XRCC6: variants seen among roughly 807,000 people sequenced by gnomAD.
XRCC6 encodes the protein X-ray repair cross complementing 6.
In XRCC6, 5 loss-of-function variants were observed where a neutral mutation model predicts 65.7. The ratio of observed to expected loss-of-function variants is 0.08; its 90% CI spans 0.04 to 0.16. The LOEUF (loss-of-function observed/expected upper bound fraction) is 0.16. Among genes scored for constraint, XRCC6 ranks in the 10% least tolerant of loss-of-function variants. XRCC6 has a pLI of 1.00. For missense variants in XRCC6, 447 were observed against 738.1 expected, an observed-to-expected ratio of 0.61 and a Z score of 4.57; for synonymous variants, 270 against 270.6, an observed-to-expected ratio of 1.00 and a Z score of 0.02.
chr22:41,643,777 C>T (rs1384549255), intron 6 of XRCC6, among the ~76,000 whole-genome samples: 4 of 150,868 alleles, frequency 2.7e-5, no homozygotes, highest in Non-Finnish European at 1.5e-5. Context: ...GCTGAGATTG[C>T]GCCACTGCAC....
chr22:41,646,874 C>T (rs756653687), intron 6 of XRCC6, 22 bp from the exon 7 acceptor site: 1 of 1,569,114 alleles, frequency 6.4e-7, no homozygotes, highest in South Asian at 1.2e-5. Context: ...AGTTCATGCT[C>T]TTTCATTTTT....
intron 12 of XRCC6, among the ~76,000 whole-genome samples, chr22:41,662,000 T>G (rs1180949112): frequency 1.3e-5 from 2 of 152,172 alleles, no homozygotes; most frequent in Non-Finnish European, 2.9e-5. Context: ...TCTCACTTAT[T>G]TGTGGAATCT....
chr22:41,631,901 G>A (rs1449204530), intron 3 of XRCC6, among the ~76,000 whole-genome samples: 5 of 152,300 alleles, frequency 3.3e-5, no homozygotes, highest in South Asian at 4.1e-4. Context: ...CGAGGCTGGC[G>A]GATCACTCGC....
intron 6 of XRCC6, among the ~76,000 whole-genome samples, chr22:41,639,817 C>T (rs986515468): frequency 8.6e-5 from 13 of 151,324 alleles, no homozygotes; most frequent in Non-Finnish European, 1.5e-4. Context: ...CGCCTGCCAC[C>T]ACACCCGGCT....
Position 41,650,864 on chromosome 22 carries a change from G to T in XRCC6, c.1102G>T (p.Val368Leu). The part of the protein sequence containing the change: ...KHHYLRPSLF[V>L]YPEESLVIGS... ...CCATTACCTGAGGCCCTCCCTGTTC[G>T]TGTACCCAGAGGAGTCGCTGGTGAT... is the stretch of plus-strand genomic sequence containing the variant. Residue 368 changes from valine (V) to leucine (L), a missense_variant, in exon 8 of 13, where the codon GTG becomes TTG. Val to Leu is a conservative substitution (Grantham distance 32). Transcript: ENST00000360079. 6.2e-7 allele frequency: 1 copy of T among 1,614,146 alleles called. No homozygotes were observed. Among genetic ancestry groups the T allele is most frequent in the Non-Finnish European group, 8.5e-7 (1 of 1,180,018 alleles).
intron 3 of XRCC6, among the ~76,000 whole-genome samples, chr22:41,629,682 A>G (rs1357606096): frequency 6.6e-6 from 1 of 151,954 alleles, no homozygotes; most frequent in Non-Finnish European, 1.5e-5. Context: ...TTTTATTATT[A>G]TTTTTGAGAC....
intron 3 of XRCC6, among the ~76,000 whole-genome samples, chr22:41,633,331 A>G (rs1569083631): frequency 1.3e-5 from 2 of 152,098 alleles, no homozygotes; most frequent in Admixed American, 6.5e-5. Flanking sequence ...GGTGATGCTG[A>G]TGTTACTGAT....
Position 41,653,777 on chromosome 22 carries a change from CAT to C in XRCC6, c.1291+89_1291+90del, listed in dbSNP as rs2068021966. ...GACTCCTAATGCAGACCTACTGAATCATAGTCTCTGGGAATGGGGCTTAAAAA... is the reference window on the plus strand; with the variant it reads ...GACTCCTAATGCAGACCTACTGAATCAGTCTCTGGGAATGGGGCTTAAAAA... On this transcript the variant is annotated intron_variant, in intron 9 of 12. Coordinates refer to ENST00000360079, the MANE Select transcript of XRCC6 (RefSeq NM_001469.5). The C allele has an allele frequency of 6.8e-6, 10 of 1,467,830 alleles. No individual in the cohort carries two copies. The Middle Eastern group carries it at 9.0e-4, about 133-fold the overall frequency. 90.9% of individuals were successfully genotyped at this position (1,467,830 alleles called of 1,614,324 possible).
intron 2 of XRCC6, among the ~76,000 whole-genome samples, chr22:41,625,625 T>G (rs998847688): frequency 7.9e-5 from 12 of 152,110 alleles, no homozygotes; most frequent in Non-Finnish European, 1.8e-4. Context: ...CCTCTCTAGG[T>G]CCTTAGTAGG....
intron 3 of XRCC6, among the ~76,000 whole-genome samples, chr22:41,631,371 C>T (rs192077873): frequency 0.051 from 7,644 of 149,758 alleles, 269 homozygotes; most frequent in Non-Finnish European, 0.077. Context: ...ACTTCTCAGA[C>T]GGGGCGGCTC....
At chr22:41,659,386 ATTT>A (rs1443316672) in intron 11 of XRCC6, among the ~76,000 whole-genome samples, 2 of 151,940 alleles carry the variant, frequency 1.3e-5, no homozygotes, top group Non-Finnish European at 2.9e-5. Context: ...ATTTTTTTGT[ATTT>A]TTAGTAGAGA....
intron 3 of XRCC6, among the ~76,000 whole-genome samples, chr22:41,635,577 G>A (rs2067800506): frequency 6.6e-6 from 1 of 152,162 alleles, no homozygotes; most frequent in African/African-American, 2.4e-5. Flanking sequence ...GTCTCACTCT[G>A]TTGCCCAGGC....
chr22:41,633,812 G>A (rs1013431851), intron 3 of XRCC6, among the ~76,000 whole-genome samples: 11 of 152,314 alleles, frequency 7.2e-5, no homozygotes, highest in Non-Finnish European at 1.6e-4. Context: ...AGAAGAAAAT[G>A]TAGTGTTAGG....
At chr22:41,649,705 A>T (rs1187473714) in intron 7 of XRCC6, among the ~76,000 whole-genome samples, 1 of 151,960 alleles carries the variant, frequency 6.6e-6, no homozygotes, top group Non-Finnish European at 1.5e-5. Context: ...ATACAAAAAA[A>T]TTAGCCAGGT....
chr22:41,646,779 G>T, intron 6 of XRCC6, 117 bp from the exon 7 acceptor site: 1 of 865,352 alleles, frequency 1.2e-6, no homozygotes, highest in South Asian at 2.0e-5. Flanking sequence ...TATATTTTGA[G>T]AGCTTGCTTA....
chr22:41,651,063 TG>T (rs2067989791), intron 8 of XRCC6, among the ~76,000 whole-genome samples, 172 bp downstream of exon 8: 1 of 152,150 alleles, frequency 6.6e-6, no homozygotes, highest in African/African-American at 2.4e-5. Context: ...CCTAGCACTT[TG>T]GGAGGCTGAG....
intron 5 of XRCC6, 91 bp from the exon 6 acceptor site, chr22:41,637,517 T>G: frequency 8.0e-7 from 1 of 1,246,172 alleles, no homozygotes; most frequent in Non-Finnish European, 1.1e-6. Flanking sequence ...TCAGGGAGCT[T>G]TTAAAAGCAT....
intron 2 of XRCC6, among the ~76,000 whole-genome samples, chr22:41,624,105 C>G (rs539276697): frequency 6.6e-6 from 1 of 151,906 alleles, no homozygotes; most frequent in African/African-American, 2.4e-5. Context: ...TGTAATTTGT[C>G]TGGGTGTGGT....
At chr22:41,622,364 G>A (rs1410614430) in intron 2 of XRCC6, among the ~76,000 whole-genome samples, 1 of 152,098 alleles carries the variant, frequency 6.6e-6, no homozygotes, top group East Asian at 1.9e-4. Context: ...CATCTTAAGT[G>A]GTTCAGGTGA....
Sources: gnomAD v4.1 joint callset for allele counts (sites outside exome capture counted in the v4.1 genomes callset) on GRCh38, gnomAD v4.1.1 for gene constraint, MANE v1.5 for transcripts, NCBI Gene and HGNC (gene_info 2026-07-23, HGNC 2026-07-21) for gene names.